EIF2S3: variants seen among roughly 807,000 people sequenced by gnomAD.
EIF2S3 encodes the protein eukaryotic translation initiation factor 2 subunit 3.
Under a neutral mutation model 31.7 loss-of-function variants are expected in EIF2S3, and 2 were observed. The ratio of observed to expected loss-of-function variants is 0.06; its 90% CI spans 0.03 to 0.20. The LOEUF (loss-of-function observed/expected upper bound fraction) is 0.20, where lower values mean the gene tolerates loss of function less well. Among genes scored for constraint, EIF2S3 ranks in the 10% least tolerant of loss-of-function variants. The pLI is 1.00. For missense variants in EIF2S3, 96 were observed against 359.3 expected, an observed-to-expected ratio of 0.27 and a Z score of 5.92; for synonymous variants, 120 against 126.7, an observed-to-expected ratio of 0.95 and a Z score of 0.36.
intron 8 of EIF2S3, among the ~76,000 whole-genome samples, chrX:24,067,387 A>T (rs1930593510): frequency 9.0e-6 from 1 of 110,561 alleles, no homozygotes; most frequent in African/African-American, 3.3e-5. Context: ...TGACTTGAAA[A>T]TTTATAGACT....
chrX:24,067,164 C>T (rs1244608851), intron 8 of EIF2S3, among the ~76,000 whole-genome samples: 1 of 111,156 alleles, frequency 9.0e-6, no homozygotes, highest in African/African-American at 3.3e-5. Context: ...CTGCCACAGC[C>T]TCCCGACTTG....
chrX:24,064,460 A>G (rs756656938), intron 7 of EIF2S3, 125 bp downstream of exon 7: 2 of 887,457 alleles, frequency 2.3e-6, no homozygotes, highest in Non-Finnish European at 3.1e-6. Flanking sequence ...TTTTTTTGAA[A>G]TCAATTCTGA....
At chrX:24,071,391 G>A (rs977228914) in intron 9 of EIF2S3, among the ~76,000 whole-genome samples, 167 bp from the exon 10 acceptor site, 2 of 110,461 alleles carry the variant, frequency 1.8e-5, no homozygotes, top group African/African-American at 6.6e-5. Context: ...GGGTTTCACC[G>A]TGTTGCCCAG....
In EIF2S3 at chrX:24,071,462, T is replaced by A. The variant is rs1481021852; in HGVS notation, c.1013-96T>A. On this transcript the variant is annotated intron_variant, in intron 9 of 11. Transcript: ENST00000253039. Reference sequence around the variant, plus strand: ...GCCTCGGCCTCCCAAAGTGCTGGGATTACAGGTGTGAGCCACTGCACCTGG... The same window carrying A: ...GCCTCGGCCTCCCAAAGTGCTGGGAATACAGGTGTGAGCCACTGCACCTGG... 5 of 951,691 alleles carry A rather than the reference T, an allele frequency of 5.3e-6. No homozygotes were observed. In the Admixed American group the frequency reaches 1.5e-4, roughly 28 times the overall value. The allele number at this position is 951,691 out of a possible 1,213,427, so 78.4% of individuals were successfully genotyped here.
At chrX:24,060,929 CAA>C (rs1348562661) in intron 5 of EIF2S3, among the ~76,000 whole-genome samples, 9 of 51,150 alleles carry the variant, frequency 1.8e-4, no homozygotes, top group South Asian at 1.6e-3. Flanking sequence ...GTCTGGGTAA[CAA>C]GAGTAAAACT....
chrX:24,062,367 A>G, intron 5 of EIF2S3, 49 bp from the exon 6 acceptor site: 1 of 1,154,193 alleles, frequency 8.7e-7, no homozygotes. Flanking sequence ...CCTATTCTGG[A>G]TATTTCCAGC....
rs191717440 is a variant in EIF2S3 at position 24,073,624 on chromosome X, C to T, written c.1355+361C>T. 8.8e-3 allele frequency: 1,066 copies of T among 121,457 alleles called. 6 individuals carry two copies. Among genetic ancestry groups the T allele is most frequent in the Middle Eastern group, 0.016 (4 of 256 alleles). 10.0% of individuals were successfully genotyped at this position (121,457 alleles called of 1,213,427 possible). A position where few individuals can be genotyped will look rare whatever the true frequency, so the allele number is the denominator to read the frequency against. On this transcript the variant is annotated intron_variant, in intron 11 of 11. Coordinates refer to ENST00000253039, the MANE Select transcript of EIF2S3 (RefSeq NM_001415.4). ...AGGAGAATGGCGTGAACCTGGGAGT[C>T]GGAGCTTGCAGTGAGCCGAGATGGC...
chrX:24,067,131 C>T (rs751699753), intron 8 of EIF2S3, among the ~76,000 whole-genome samples: 1 of 111,198 alleles, frequency 9.0e-6, no homozygotes, highest in East Asian at 2.8e-4. Context: ...ACCTCCACCT[C>T]CTGGGTTCAG....
In EIF2S3 at chrX:24,078,035, T is replaced by G. The variant is rs2147133310; in HGVS notation, c.*1250T>G. ...CCCTATACTTCGTGTGCTTTTCCTT[T>G]TTTTTTTTGAGACGGAGGCTCACTC... On this transcript the variant is annotated 3_prime_UTR_variant, in exon 12 of 12. Coordinates refer to ENST00000253039, the MANE Select transcript of EIF2S3 (RefSeq NM_001415.4). The G allele has an allele frequency of 9.0e-6, 1 of 110,659 alleles. No individual in the cohort carries two copies. The highest frequency in any genetic ancestry group is 3.8e-4 in the South Asian group (1 of 2,618). 9.1% of individuals were successfully genotyped at this position (110,659 alleles called of 1,213,427 possible).
At chrX:24,058,710 A>T (rs1211538709) in intron 4 of EIF2S3, among the ~76,000 whole-genome samples, 3 of 103,169 alleles carry the variant, frequency 2.9e-5, no homozygotes, top group East Asian at 6.1e-4. Flanking sequence ...TTTTATTTTT[A>T]TTTATTTATT....
At chrX:24,064,637 G>T (rs1193844362) in intron 7 of EIF2S3, among the ~76,000 whole-genome samples, 1 of 111,972 alleles carries the variant, frequency 8.9e-6, no homozygotes, top group Non-Finnish European at 1.9e-5. Flanking sequence ...AGACCAGCCT[G>T]ATCAGCATGG....
intron 9 of EIF2S3, among the ~76,000 whole-genome samples, chrX:24,069,376 C>G (rs867938871): frequency 2.3e-5 from 1 of 44,020 alleles, no homozygotes; most frequent in African/African-American, 7.5e-5. Flanking sequence ...CACTCTGTCT[C>G]AAAAAAAAAA....
intron 9 of EIF2S3, among the ~76,000 whole-genome samples, chrX:24,070,440 T>G (rs1405362175): frequency 6.4e-4 from 6 of 9,310 alleles, no homozygotes; most frequent in African/African-American, 1.6e-3. Flanking sequence ...TCATATGTAG[T>G]TTTTTTTTTT....
Position 24,066,137 on chromosome X carries a change from G to GTTGT in EIF2S3, c.867+60_867+63dup, listed in dbSNP as rs758110265. ...TTGTGATTTTGGGTTTTTTTTTTTTGTTGTTTGTTTGTTTGTTTTATCCTT... is the reference window on the plus strand; with the variant it reads ...TTGTGATTTTGGGTTTTTTTTTTTTGTTGTTTGTTTGTTTGTTTGTTTTATCCTT... On this transcript the variant is annotated intron_variant, in intron 8 of 11. Coordinates refer to ENST00000253039, the MANE Select transcript of EIF2S3 (RefSeq NM_001415.4). 1.0e-4 allele frequency: 57 copies of GTTGT among 553,882 alleles called. No individual in the cohort carries two copies. In the South Asian group the frequency reaches 1.9e-3, roughly 19 times the overall value. 45.6% of individuals were successfully genotyped at this position (553,882 alleles called of 1,213,427 possible). A position where few individuals can be genotyped will look rare whatever the true frequency, so the allele number is the denominator to read the frequency against.
chrX:24,076,632 G>T, intron 11 of EIF2S3, 90 bp from the exon 12 acceptor site: 1 of 909,843 alleles, frequency 1.1e-6, no homozygotes, highest in Non-Finnish European at 1.6e-6. Context: ...GAATTCAGAA[G>T]ATAAGCAGGT....
chrX:24,066,123 G>GTT (rs746382989), intron 8 of EIF2S3, 31 bp downstream of exon 8: 1 of 946,454 alleles, frequency 1.1e-6, no homozygotes, highest in Non-Finnish European at 1.4e-6. Context: ...TGTGATTTTG[G>GTT]GTTTTTTTTT....
intron 7 of EIF2S3, among the ~76,000 whole-genome samples, chrX:24,065,227 TCAAGTTC>T (rs771899530): frequency 6.6e-4 from 74 of 112,078 alleles, no homozygotes; most frequent in African/African-American, 2.1e-3. Context: ...CTCTCTGTCT[TCAAGTTC>T]TAGTTCCTTA....
intron 4 of EIF2S3, among the ~76,000 whole-genome samples, chrX:24,058,536 CTT>C (rs1183377998): frequency 1.9e-4 from 16 of 83,033 alleles, no homozygotes; most frequent in African/African-American, 7.1e-4. Flanking sequence ...TTTTTTCTTT[CTT>C]TTTTTTTTTT....
At chrX:24,074,273 T>C (rs1335563441) in intron 11 of EIF2S3, among the ~76,000 whole-genome samples, 1 of 112,461 alleles carries the variant, frequency 8.9e-6, no homozygotes, top group Non-Finnish European at 1.9e-5. Flanking sequence ...TTTGGGTTTT[T>C]CTTATCATTC....
Sources: allele counts gnomAD v4.1 joint callset (sites outside exome capture counted in the v4.1 genomes callset), GRCh38; gene constraint gnomAD v4.1.1; transcripts MANE v1.5; gene names NCBI Gene and HGNC (gene_info 2026-07-23, HGNC 2026-07-21).